DMXL1: variants seen among roughly 807,000 people sequenced by gnomAD.
DMXL1 encodes the protein Dmx like 1.
In DMXL1, 99 loss-of-function variants were observed where a neutral mutation model predicts 319.2. The ratio of observed to expected loss-of-function variants is 0.31; its 90% CI spans 0.26 to 0.37. DMXL1 has a LOEUF of 0.37. Among genes scored for constraint, DMXL1 ranks in the 10% least tolerant of loss-of-function variants. DMXL1 has a pLI of 1.00. For synonymous variants in DMXL1, 1,385 were observed against 1,235.2 expected, an observed-to-expected ratio of 1.12 and a Z score of -2.54; for missense variants, 3,745 against 3,595.6, an observed-to-expected ratio of 1.04 and a Z score of -1.06.
chr5:119,228,087 T>G (rs565632677), intron 38 of DMXL1, among the ~76,000 whole-genome samples: 78 of 152,360 alleles, frequency 5.1e-4, no homozygotes, highest in African/African-American at 1.7e-3. Context: ...TTCAATAAGT[T>G]ATTCAGCCTC....
chr5:119,217,011 T>C (rs1322280815), intron 35 of DMXL1, 24 bp downstream of exon 35: 1 of 1,304,002 alleles, frequency 7.7e-7, no homozygotes, highest in Non-Finnish European at 1.1e-6. Flanking sequence ...CATTCTTCTT[T>C]TGTTTATTAA....
intron 19 of DMXL1, among the ~76,000 whole-genome samples, chr5:119,159,556 ATC>A (rs1771810803): frequency 6.6e-6 from 1 of 152,162 alleles, no homozygotes; most frequent in Non-Finnish European, 1.5e-5. Flanking sequence ...CTGCATATTA[ATC>A]TCTTATGATT....
At chr5:119,091,024 T>C (rs946545752) in intron 1 of DMXL1, among the ~76,000 whole-genome samples, 3 of 152,174 alleles carry the variant, frequency 2.0e-5, no homozygotes, top group African/African-American at 7.2e-5. Context: ...TATTTCAATC[T>C]GTTTATTAAC....
intron 11 of DMXL1, 46 bp downstream of exon 11, chr5:119,133,431 A>G: frequency 1.3e-6 from 2 of 1,585,632 alleles, no homozygotes; most frequent in Non-Finnish European, 1.7e-6. Flanking sequence ...TTATGTGGGT[A>G]CTATTTTCTA....
intron 10 of DMXL1, among the ~76,000 whole-genome samples, chr5:119,132,253 T>A (rs1330950835): frequency 6.6e-6 from 1 of 152,226 alleles, no homozygotes; most frequent in East Asian, 1.9e-4. Flanking sequence ...TCTTTATTAT[T>A]ATAAGGTGGC....
chr5:119,148,842 A>G lies in DMXL1; in HGVS notation c.3015A>G (p.Thr1005=), dbSNP rs765364967. The change falls in exon 18 of 44, where the codon ACA becomes ACG. Residue 1005 remains threonine (T), a synonymous_variant. Coordinates refer to ENST00000539542, the MANE Select transcript of DMXL1 (RefSeq NM_001290321.3). The part of the protein sequence containing the change: ...EKVRFWRCRV[T]DGESATSKNG... ...TAAGATTCTGGAGATGCAGAGTAAC[A>G]GATGGAGAATCTGCCACGTCAAAGA... 1.2e-6 allele frequency: 2 copies of G among 1,613,654 alleles called. No individual in the cohort carries two copies. Among genetic ancestry groups the G allele is most frequent in the East Asian group, 4.5e-5 (2 of 44,874 alleles).
chr5:119,237,185 G>A (rs112493577), intron 39 of DMXL1, 137 bp from the exon 40 acceptor site: 3 of 483,038 alleles, frequency 6.2e-6, no homozygotes. Flanking sequence ...ATAGATCCAT[G>A]TATAGGTGAA....
At chr5:119,193,330 T>A (rs1421162089) in intron 29 of DMXL1, among the ~76,000 whole-genome samples, 1 of 152,104 alleles carries the variant, frequency 6.6e-6, no homozygotes, top group Non-Finnish European at 1.5e-5. Flanking sequence ...TTTCCCAAAC[T>A]CTTTCTGCAT....
At position 119,171,128 on chromosome 5, in the gene DMXL1, A is replaced by C. The variant is rs1190066423; in HGVS notation, c.6337A>C (p.Arg2113=). The C allele has an allele frequency of 6.2e-7, 1 of 1,614,000 alleles. No homozygotes were observed. Among genetic ancestry groups the C allele is most frequent in the East Asian group, 2.2e-5 (1 of 44,870 alleles). ...TCACCAAACAAAAGTGAAACAACTG[A>C]GAGAAAATTTTCAGGAAAAAAGACA... ...LPHQTKVKQL[R]ENFQEKRQWL... Residue 2113 remains arginine, a synonymous_variant, in exon 24 of 44, where the codon AGA becomes CGA. Coordinates refer to ENST00000539542, the MANE Select transcript of DMXL1 (RefSeq NM_001290321.3).
At chr5:119,076,233 C>A (rs894201747) in intron 1 of DMXL1, among the ~76,000 whole-genome samples, 1 of 152,122 alleles carries the variant, frequency 6.6e-6, no homozygotes, top group Non-Finnish European at 1.5e-5. Flanking sequence ...GATTAGAAAT[C>A]AAAAGACTGT....
rs1219477844 is a variant in DMXL1, at chr5:119,164,641, C to T, written c.4837C>T (p.Arg1613Trp). Residue 1613 changes from arginine (R) to tryptophan (W), a missense_variant, in exon 20 of 44, where the codon CGG becomes TGG. By Grantham distance (101) the Arg-to-Trp change is moderately radical (BLOSUM62 -3). Coordinates refer to ENST00000539542, the MANE Select transcript of DMXL1 (RefSeq NM_001290321.3). Reference sequence around the variant, plus strand: ...AGCTATGGGTGTGGGGTGGTGGGTCCGGAATACCCGCATCTTACGCAAATG... The same window carrying T: ...AGCTATGGGTGTGGGGTGGTGGGTCTGGAATACCCGCATCTTACGCAAATG... Reference protein sequence around the residue: ...LRAMGVGWWVRNTRILRKCIE... With the variant: ...LRAMGVGWWVWNTRILRKCIE... 4.4e-6 allele frequency: 7 copies of T among 1,609,176 alleles called. No individual in the cohort carries two copies. Among genetic ancestry groups the T allele is most frequent in the East Asian group, 2.2e-5 (1 of 44,826 alleles).
chr5:119,127,903 CT>C, intron 9 of DMXL1: 2 of 358,406 alleles, frequency 5.6e-6, no homozygotes, highest in Non-Finnish European at 1.1e-5. Context: ...ATGATATTCA[CT>C]TTTTCAAGCA....
chr5:119,076,590 A>G (rs1750933169), intron 1 of DMXL1, among the ~76,000 whole-genome samples: 2 of 152,214 alleles, frequency 1.3e-5, no homozygotes, highest in Non-Finnish European at 2.9e-5. Flanking sequence ...GTGTTTAAGT[A>G]CCTTTAAAAT....
Position 119,249,111 on chromosome 5 carries a change from A to G in DMXL1, c.*1892A>G, listed in dbSNP as rs777356295. The G allele has an allele frequency of 3.3e-5, 5 of 152,562 alleles. No homozygotes were observed. The highest frequency in any genetic ancestry group is 7.2e-5 in the African/African-American group (3 of 41,444). 9.5% of individuals were successfully genotyped at this position (152,562 alleles called of 1,614,324 possible). On this transcript the variant is annotated 3_prime_UTR_variant, in exon 44 of 44. Transcript: ENST00000539542. ...CAGAGTCATAATATTTTAAATAAAC[A>G]ATCATGCAGAAACTTTTTTAGGGGG...
chr5:119,128,637 A>G lies in DMXL1; in HGVS notation c.1103-574A>G, dbSNP rs77522875. ...GTGATGTGTCAGTGTAGATTCATCA[A>G]TTGTAATAAATGTACCACTTTTGGT... is the stretch of plus-strand genomic sequence containing the variant. On this transcript the variant is annotated intron_variant, in intron 9 of 43. Coordinates refer to ENST00000539542, the MANE Select transcript of DMXL1 (RefSeq NM_001290321.3). 7.6e-4 allele frequency among the ~76,000 whole-genome samples: 116 copies of G among 151,732 alleles called. No individual in the cohort carries two copies. In the East Asian group the frequency reaches 0.014, roughly 18 times the overall value.
rs767699982 is a variant in DMXL1, at chr5:119,152,048, A to G, written c.4702+12A>G. 4 of 1,572,238 alleles carry G rather than the reference A, an allele frequency of 2.5e-6. No individual in the cohort carries two copies. Among genetic ancestry groups the G allele is most frequent in the Middle Eastern group, 1.7e-4 (1 of 5,968 alleles). Reference sequence around the variant, plus strand: ...ACTCCTTCACCAAGGTGATTTTGATAGTAATCTATTAAAGGGAAATAAAGC... The same window carrying G: ...ACTCCTTCACCAAGGTGATTTTGATGGTAATCTATTAAAGGGAAATAAAGC... On this transcript the variant is annotated intron_variant, in intron 19 of 43. Coordinates refer to ENST00000539542, the MANE Select transcript of DMXL1 (RefSeq NM_001290321.3).
At chr5:119,105,288 G>C (rs958485098) in intron 4 of DMXL1, 30 bp downstream of exon 4, 1 of 1,517,668 alleles carries the variant, frequency 6.6e-7, no homozygotes. Context: ...TAACTAAAAT[G>C]AAATATCACT....
At chr5:119,163,111 C>T (rs1303837347) in intron 19 of DMXL1, among the ~76,000 whole-genome samples, 1 of 152,068 alleles carries the variant, frequency 6.6e-6, no homozygotes, top group South Asian at 2.1e-4. Flanking sequence ...TATAAATATA[C>T]AAATATCTTA....
intron 38 of DMXL1, among the ~76,000 whole-genome samples, chr5:119,231,147 T>C (rs1407207394): frequency 6.6e-6 from 1 of 152,160 alleles, no homozygotes; most frequent in African/African-American, 2.4e-5. Context: ...GTGCTTCCTG[T>C]AGATGGACAA....
Sources: gnomAD v4.1 joint callset for allele counts (sites outside exome capture counted in the v4.1 genomes callset) on GRCh38, gnomAD v4.1.1 for gene constraint, MANE v1.5 for transcripts, NCBI Gene and HGNC (gene_info 2026-07-23, HGNC 2026-07-21) for gene names.